The following LDB2 variants were observed in gnomAD, a reference collection of about 807,000 sequenced individuals.
LDB2 encodes LIM domain binding 2.
In LDB2, 12 loss-of-function variants were observed where a neutral mutation model predicts 44.3. That is an observed-to-expected ratio of 0.27 (90% confidence interval 0.17 to 0.44). The LOEUF is 0.44. Among genes scored for constraint, LDB2 ranks in the 20% least tolerant of loss-of-function variants. The probability of loss-of-function intolerance (pLI) is 1.00; values close to 1 mark genes in which losing one functional copy is unlikely to be tolerated. For synonymous variants in LDB2, 164 were observed against 174.8 expected (o/e 0.94, Z 0.49); for missense variants, 344 against 473.5 (o/e 0.73, Z 2.54).
intron 1 of LDB2, among the ~76,000 whole-genome samples, chr4:16,874,205 C>T (rs950919527): frequency 2.0e-5 from 3 of 152,006 alleles, no homozygotes; most frequent in African/African-American, 7.2e-5. Flanking sequence ...CATGGCAATG[C>T]ATAGGCTGGA....
At chr4:16,548,120 GGC>G (rs1736406888) in intron 5 of LDB2, among the ~76,000 whole-genome samples, 2 of 151,898 alleles carry the variant, frequency 1.3e-5, no homozygotes, top group African/African-American at 4.8e-5. Flanking sequence ...CACTGTGCCT[GGC>G]CTCAACTTTC....
chr4:16,791,914 T>C (rs565059693), intron 1 of LDB2, among the ~76,000 whole-genome samples: 1 of 152,320 alleles, frequency 6.6e-6, no homozygotes, highest in South Asian at 2.1e-4. Flanking sequence ...GTGGTACCTA[T>C]TTACATGGGG....
intron 2 of LDB2, among the ~76,000 whole-genome samples, chr4:16,614,693 TCAA>T (rs1365154057): frequency 3.3e-5 from 5 of 150,450 alleles, no homozygotes; most frequent in Non-Finnish European, 7.4e-5. Flanking sequence ...GATAAAAAGC[TCAA>T]CATCACTGAT....
intron 1 of LDB2, among the ~76,000 whole-genome samples, chr4:16,871,857 G>A (rs897139769): frequency 9.9e-5 from 15 of 152,062 alleles, no homozygotes; most frequent in Admixed American, 2.6e-4. Flanking sequence ...CCTGACCGCA[G>A]ATGATCCGCC....
At chr4:16,623,223 A>G (rs1729357782) in intron 2 of LDB2, among the ~76,000 whole-genome samples, 1 of 152,256 alleles carries the variant, frequency 6.6e-6, no homozygotes, top group African/African-American at 2.4e-5. Flanking sequence ...AGGAGAAAAA[A>G]GAACATATAC....
At chr4:16,756,904 A>T (rs1190911670) in intron 2 of LDB2, among the ~76,000 whole-genome samples, 3 of 151,640 alleles carry the variant, frequency 2.0e-5, no homozygotes, top group Admixed American at 1.3e-4. Flanking sequence ...AGGCTAAAAA[A>T]AAAACCCTCA....
intron 2 of LDB2, among the ~76,000 whole-genome samples, chr4:16,717,159 A>AAATAATAATAATAAT (rs140994016): frequency 1.5e-4 from 22 of 146,502 alleles, no homozygotes; most frequent in African/African-American, 5.3e-4. Context: ...AGCTAATAGC[A>AAATAATAATAATAAT]AATAATAATA....
At chr4:16,556,802 C>T (rs899029182) in intron 5 of LDB2, among the ~76,000 whole-genome samples, 3 of 152,142 alleles carry the variant, frequency 2.0e-5, no homozygotes, top group African/African-American at 7.2e-5. Flanking sequence ...TGTAGTTGTA[C>T]ATAATGAAAT....
intron 2 of LDB2, among the ~76,000 whole-genome samples, chr4:16,598,877 C>CTTTTTT (rs5856371): frequency 7.0e-6 from 1 of 143,780 alleles, no homozygotes; most frequent in Non-Finnish European, 1.5e-5. Flanking sequence ...TTCTTTCTTT[C>CTTTTTT]TTTTTTTTTT....
chr4:16,839,578 C>T (rs770035423), intron 1 of LDB2, among the ~76,000 whole-genome samples: 1 of 152,174 alleles, frequency 6.6e-6, no homozygotes, highest in Non-Finnish European at 1.5e-5. Context: ...TCTACGTGAG[C>T]AAACTGAGGC....
At chr4:16,575,462 G>A (rs1747958179) in intron 5 of LDB2, among the ~76,000 whole-genome samples, 1 of 152,198 alleles carries the variant, frequency 6.6e-6, no homozygotes. Flanking sequence ...GGACCTAATA[G>A]ATATTTACAG....
At chr4:16,641,642 C>T (rs374096054) in intron 2 of LDB2, among the ~76,000 whole-genome samples, 2 of 152,136 alleles carry the variant, frequency 1.3e-5, no homozygotes, top group Non-Finnish European at 2.9e-5. Context: ...AGAAGTCGCT[C>T]ATTACCACAA....
intron 2 of LDB2, among the ~76,000 whole-genome samples, chr4:16,647,112 G>A (rs186446802): frequency 1.3e-5 from 2 of 152,234 alleles, no homozygotes; most frequent in African/African-American, 4.8e-5. Flanking sequence ...CCATATAAAG[G>A]ACTATTTGGT....
At chr4:16,877,711 T>C (rs1257283922) in intron 1 of LDB2, among the ~76,000 whole-genome samples, 1 of 152,236 alleles carries the variant, frequency 6.6e-6, no homozygotes, top group African/African-American at 2.4e-5. Flanking sequence ...CATCAAAGCC[T>C]GAACAATCAA....
intron 2 of LDB2, among the ~76,000 whole-genome samples, chr4:16,739,325 G>A (rs1400113613): frequency 6.6e-6 from 1 of 151,462 alleles, no homozygotes; most frequent in East Asian, 2.0e-4. Flanking sequence ...GGTGGCTCAT[G>A]ACTGTAATCC....
At chr4:16,817,277 T>C (rs959577558) in intron 1 of LDB2, among the ~76,000 whole-genome samples, 1 of 152,220 alleles carries the variant, frequency 6.6e-6, no homozygotes, top group Non-Finnish European at 1.5e-5. Flanking sequence ...TAGAGAGATA[T>C]AATTCCTATT....
chr4:16,776,292 C>T (rs1209256659), intron 1 of LDB2, among the ~76,000 whole-genome samples: 3 of 152,226 alleles, frequency 2.0e-5, no homozygotes, highest in Admixed American at 2.0e-4. Flanking sequence ...TACCAGAACA[C>T]TCACTGCTTT....
At chr4:16,760,543 G>T (rs530209074) in intron 1 of LDB2, among the ~76,000 whole-genome samples, 2 of 152,118 alleles carry the variant, frequency 1.3e-5, no homozygotes, top group Non-Finnish European at 2.9e-5. Flanking sequence ...GAAGAGCAAT[G>T]CATGGATCCA....
In LDB2 at chr4:16,632,799, G is replaced by C. The variant is rs371661280; in HGVS notation, c.236-36924C>G. On this transcript the variant is annotated intron_variant, in intron 2 of 7. Transcript: ENST00000304523. ...AAGTCAGGAAACAACAGGTGCTGGA[G>C]AGGATGTGGAGAAATAGGAACACTT... Among the ~76,000 whole-genome samples, 4 of 152,276 alleles carry C rather than the reference G, an allele frequency of 2.6e-5. No homozygotes were observed. The South Asian group carries it at 6.2e-4, about 24-fold the overall frequency.
Sources: gnomAD v4.1 joint callset for allele counts (sites outside exome capture counted in the v4.1 genomes callset) on GRCh38, gnomAD v4.1.1 for gene constraint, MANE v1.5 for transcripts, NCBI Gene and HGNC (gene_info 2026-07-23, HGNC 2026-07-21) for gene names.